USH2A: variants seen among roughly 807,000 people sequenced by gnomAD.
The protein encoded by USH2A is usherin.
Under a neutral mutation model 538.9 loss-of-function variants are expected in USH2A, and 443 were observed. The observed-to-expected ratio is 0.82, with a 90% CI of 0.76 to 0.89. The LOEUF is 0.89. Among genes scored for constraint, USH2A ranks in the 40% least tolerant of loss-of-function variants. The pLI is 0.00. For missense variants in USH2A, 6,633 were observed against 6,324.8 expected, an observed-to-expected ratio of 1.05 and a Z score of -1.65; for synonymous variants, 2,413 against 2,273.5, an observed-to-expected ratio of 1.06 and a Z score of -1.75.
intron 31 of USH2A, among the ~76,000 whole-genome samples, 170 bp downstream of exon 31, chr1:216,048,364 A>T (rs1278192801): frequency 6.6e-6 from 1 of 152,166 alleles, no homozygotes; most frequent in Non-Finnish European, 1.5e-5. Flanking sequence ...ATGGAGTTTG[A>T]TTCATTTTCG....
intron 22 of USH2A, among the ~76,000 whole-genome samples, chr1:216,094,468 G>A (rs1321164498): frequency 1.3e-5 from 2 of 151,282 alleles, no homozygotes; most frequent in Non-Finnish European, 2.9e-5. Flanking sequence ...GATTATTCAC[G>A]TTTTTTTTCT....
chr1:216,199,969 T>G lies in USH2A; in HGVS notation c.3469A>C (p.Ile1157Leu), dbSNP rs773317776. ...ACAGAGTCTGAGCCAATAGGAATGA[T>G]ATAACTTAAAGTCAAGTTTCCCTCT... ...VPEGNLTLSY[I>L]IPIGSDSVTL... is the part of the protein sequence containing the mutation. Residue 1157 changes from isoleucine to leucine, a missense_variant, in exon 17 of 72, where the codon ATC becomes CTC. Coordinates refer to ENST00000307340, the MANE Select transcript of USH2A (RefSeq NM_206933.4). 1 of 1,614,148 alleles carries G rather than the reference T, an allele frequency of 6.2e-7. No individual in the cohort carries two copies. Among genetic ancestry groups the G allele is most frequent in the Admixed American group, 1.7e-5 (1 of 60,022 alleles).
intron 61 of USH2A, among the ~76,000 whole-genome samples, chr1:215,684,157 T>C (rs1658335867): frequency 6.6e-6 from 1 of 152,228 alleles, no homozygotes; most frequent in Non-Finnish European, 1.5e-5. Flanking sequence ...TGCCTCATTT[T>C]ATGAGACATA....
At chr1:215,764,786 T>C (rs1661080045) in intron 56 of USH2A, among the ~76,000 whole-genome samples, 1 of 152,160 alleles carries the variant, frequency 6.6e-6, no homozygotes, top group Admixed American at 6.6e-5. Flanking sequence ...ACAACAGAAC[T>C]TAATGTGATT....
chr1:216,063,173 T>A (rs1330879466), intron 30 of USH2A, among the ~76,000 whole-genome samples: 1 of 152,230 alleles, frequency 6.6e-6, no homozygotes, highest in Non-Finnish European at 1.5e-5. Flanking sequence ...GATTTTTCTC[T>A]CTTTTGGTAC....
intron 64 of USH2A, among the ~76,000 whole-genome samples, chr1:215,667,434 C>A (rs548385858): frequency 1.3e-5 from 2 of 152,098 alleles, no homozygotes; most frequent in African/African-American, 4.8e-5. Flanking sequence ...CCCTCCTGCC[C>A]GTTAGAACTC....
intron 16 of USH2A, chr1:216,204,356 G>T (rs893578937): frequency 6.6e-6 from 1 of 152,150 alleles, no homozygotes; most frequent in East Asian, 1.9e-4. Context: ...TAAATAAAAC[G>T]TAAAGATATA....
rs1224171935 is a variant in USH2A at position 215,900,839 on chromosome 1, G to A, written c.7367C>T (p.Ser2456Phe). The change falls in exon 39 of 72, where the codon TCT becomes TTT. Residue 2456 changes from serine to phenylalanine, a missense_variant. Transcript: ENST00000307340. ...ATPTSLQVVW[S>F]TPARNNAPGS... ...AGGAGCGTTATTACGAGCTGGTGTA[G>A]ACCAGACAACCTGAAGACTGGTTGG... The A allele has an allele frequency of 6.2e-7, 1 of 1,613,830 alleles. No individual in the cohort carries two copies. Among genetic ancestry groups the A allele is most frequent in the Admixed American group, 1.7e-5 (1 of 59,984 alleles).
Position 215,701,330 on chromosome 1 carries a change from T to C in USH2A, c.12067-20954A>G, listed in dbSNP as rs200460646. Among the ~76,000 whole-genome samples, 193 of 152,082 alleles carry C rather than the reference T, an allele frequency of 1.3e-3. 4 individuals are homozygous for C. Among genetic ancestry groups the C allele is most frequent in the Admixed American group, 9.4e-3 (144 of 15,266 alleles). Reference sequence around the variant, plus strand: ...AGATGTCTATTAGGTCTGTTAGATGTCTATTAGATCTGCTAGAGCTGAGTT... The same window carrying C: ...AGATGTCTATTAGGTCTGTTAGATGCCTATTAGATCTGCTAGAGCTGAGTT... On this transcript the variant is annotated intron_variant, in intron 61 of 71. Transcript: ENST00000307340.
chr1:216,194,968 G>A (rs1367733566), intron 19 of USH2A, among the ~76,000 whole-genome samples: 2 of 152,060 alleles, frequency 1.3e-5, no homozygotes, highest in African/African-American at 4.8e-5. Context: ...ATGTTGCAAG[G>A]CACACATAGA....
At chr1:215,895,577 T>C (rs1665316608) in intron 40 of USH2A, among the ~76,000 whole-genome samples, 1 of 152,204 alleles carries the variant, frequency 6.6e-6, no homozygotes. Flanking sequence ...TGTAAATTAC[T>C]GTGAGTATCT....
At chr1:215,869,505 G>T (rs1163564010) in intron 43 of USH2A, among the ~76,000 whole-genome samples, 2 of 152,160 alleles carry the variant, frequency 1.3e-5, no homozygotes, top group African/African-American at 4.8e-5. Flanking sequence ...ATGAGTCGGG[G>T]TTAAGAGGGT....
At chr1:215,696,566 A>T (rs1658818992) in intron 61 of USH2A, among the ~76,000 whole-genome samples, 1 of 152,196 alleles carries the variant, frequency 6.6e-6, no homozygotes, top group South Asian at 2.1e-4. Flanking sequence ...TATTAGTCAT[A>T]ACCATCTGAC....
intron 52 of USH2A, 53 bp downstream of exon 52, chr1:215,786,617 C>A: frequency 6.3e-7 from 1 of 1,587,564 alleles, no homozygotes; most frequent in African/African-American, 1.3e-5. Flanking sequence ...GCATTTTCAG[C>A]AGCTTCTCAC....
intron 21 of USH2A, among the ~76,000 whole-genome samples, chr1:216,152,444 A>C (rs1572004064): frequency 7.0e-6 from 1 of 143,766 alleles, no homozygotes; most frequent in South Asian, 2.4e-4. Context: ...ACCCCCACTG[A>C]GCACCTTGCG....
intron 32 of USH2A, among the ~76,000 whole-genome samples, chr1:216,019,025 G>T (rs554259383): frequency 3.9e-5 from 6 of 152,026 alleles, no homozygotes; most frequent in Non-Finnish European, 5.9e-5. Context: ...GTTCTAGTTT[G>T]TCACTTGTTT....
chr1:216,040,311 T>A (rs1011962000), intron 32 of USH2A, among the ~76,000 whole-genome samples: 3 of 151,994 alleles, frequency 2.0e-5, no homozygotes, highest in Admixed American at 2.0e-4. Context: ...TTCTATAATG[T>A]CCCTATTAAC....
intron 61 of USH2A, among the ~76,000 whole-genome samples, chr1:215,714,826 C>T (rs562720927): frequency 1.1e-4 from 17 of 152,070 alleles, no homozygotes; most frequent in South Asian, 4.2e-4. Context: ...TTTTAAGTGC[C>T]GAGGTGTTTT....
At chr1:215,972,417 G>A (rs1182161683) in intron 35 of USH2A, among the ~76,000 whole-genome samples, 1 of 152,174 alleles carries the variant, frequency 6.6e-6, no homozygotes. Context: ...AAATCGGCAA[G>A]TGTAGCAGTA....
Sources: gnomAD v4.1 joint callset for allele counts (sites outside exome capture counted in the v4.1 genomes callset) on GRCh38, gnomAD v4.1.1 for gene constraint, MANE v1.5 for transcripts, NCBI Gene and HGNC (gene_info 2026-07-23, HGNC 2026-07-21) for gene names.